NCAPD2: variants seen among roughly 807,000 people sequenced by gnomAD.
NCAPD2 encodes the protein condensin complex subunit 1.
Under a neutral mutation model 164.5 loss-of-function variants are expected in NCAPD2, and 100 were observed. The observed-to-expected ratio is 0.61, with a 90% CI of 0.52 to 0.72. The LOEUF (loss-of-function observed/expected upper bound fraction) is 0.72. Ranked by LOEUF, NCAPD2 falls within the 30% of genes least tolerant of loss-of-function variation. The pLI is 0.00. For missense variants in NCAPD2, 1,560 were observed against 1,749.2 expected (o/e 0.89, Z 1.93); for synonymous variants, 585 against 642.6 (o/e 0.91, Z 1.36).
Position 6,513,855 on chromosome 12 carries a change from A to G in NCAPD2, c.588-410A>G, listed in dbSNP as rs993957217. On this transcript the variant is annotated intron_variant, in intron 6 of 31. Coordinates refer to ENST00000315579, the MANE Select transcript of NCAPD2 (RefSeq NM_014865.4). The stretch of plus-strand genomic sequence containing the variant: ...CTCAGCCTCCCAAGTAGCTGGGATT[A>G]CAGGCGCCCACCACCACACCCAGCT... Among the ~76,000 whole-genome samples, 3 of 151,310 alleles carry G rather than the reference A, an allele frequency of 2.0e-5. No homozygotes were observed. The East Asian group carries it at 5.8e-4, about 29-fold the overall frequency.
rs149220411 is a variant in NCAPD2, at chr12:6,511,130, G to C, written c.465G>C (p.Lys155Asn). 9.3e-6 allele frequency: 15 copies of C among 1,613,966 alleles called. No individual in the cohort carries two copies. The African/African-American group carries it at 1.5e-4, about 16-fold the overall frequency. ...TTTAGGGTAAGAAAGCTCGGACCAA[G>C]GCAGCCCATGGCTTTGACTGGGAAG... Reference protein sequence around the residue: ...LGGKGKKARTKAAHGFDWEEE... With the variant: ...LGGKGKKARTNAAHGFDWEEE... Residue 155 changes from lysine to asparagine, a missense_variant, in exon 6 of 32, where the codon AAG (lysine) becomes AAC (asparagine). Transcript: ENST00000315579.
Position 6,514,793 on chromosome 12 carries a change from C to T in NCAPD2, c.860C>T (p.Pro287Leu), listed in dbSNP as rs1946183869. 3 of 1,614,058 alleles carry T rather than the reference C, an allele frequency of 1.9e-6. No homozygotes were observed. The highest frequency in any genetic ancestry group is 4.5e-5 in the East Asian group (2 of 44,872). Residue 287 changes from proline (P) to leucine (L), a missense_variant, in exon 9 of 32, where the codon CCC (proline) becomes CTC (leucine). Physicochemically the swap from Pro to Leu is moderately conservative, Grantham distance 98 (BLOSUM62 -3). Coordinates refer to ENST00000315579, the MANE Select transcript of NCAPD2 (RefSeq NM_014865.4). ...EIVREIGQKC[P>L]QELSRDPSGT... is the part of the protein sequence containing the mutation. Reference sequence around the variant, plus strand: ...TGTAGAGAGATTGGACAAAAGTGTCCCCAAGAGCTGAGTCGAGACCCTTCA... The same window carrying T: ...TGTAGAGAGATTGGACAAAAGTGTCTCCAAGAGCTGAGTCGAGACCCTTCA...
At chr12:6,518,680 C>T (rs528859338) in intron 13 of NCAPD2, among the ~76,000 whole-genome samples, 6 of 150,788 alleles carry the variant, frequency 4.0e-5, no homozygotes, top group African/African-American at 1.2e-4. Context: ...ACCACCACAC[C>T]GCACTAATTT....
chr12:6,529,547 A>C lies in NCAPD2; in HGVS notation c.3607A>C (p.Thr1203Pro). The C allele has an allele frequency of 6.2e-7, 1 of 1,614,094 alleles. No homozygotes were observed. Among genetic ancestry groups the C allele is most frequent in the East Asian group, 2.2e-5 (1 of 44,860 alleles). The change falls in exon 28 of 32, where the codon ACA (threonine) becomes CCA (proline). Residue 1203 changes from threonine (T) to proline (P), a missense_variant. Coordinates refer to ENST00000315579, the MANE Select transcript of NCAPD2 (RefSeq NM_014865.4). ...LLSYITKDKQ[T>P]ESLVEKLCQR... ...CTCCTACATCACCAAGGACAAGCAGACAGAGAGCCTGGTGGAAAAGCTGTG... is the reference window on the plus strand; with the variant it reads ...CTCCTACATCACCAAGGACAAGCAGCCAGAGAGCCTGGTGGAAAAGCTGTG...
rs947324500 is a variant in NCAPD2 at position 6,518,234 on chromosome 12, C to A, written c.1589+275C>A. On this transcript the variant is annotated intron_variant, in intron 13 of 31. Transcript: ENST00000315579. ...GTCCTCCTTCAATTGAAGAAGAGCA[C>A]CTATAAATAAGTTCTAGTTGTATGA... 2.9e-5 allele frequency: 7 copies of A among 242,714 alleles called. No individual in the cohort carries two copies. The East Asian group carries it at 6.7e-4, about 23-fold the overall frequency. 15.0% of individuals were successfully genotyped at this position (242,714 alleles called of 1,614,324 possible). A position where few individuals can be genotyped will look rare whatever the true frequency, so the allele number is the denominator to read the frequency against.
At position 6,508,533 on chromosome 12, in the gene NCAPD2, A is replaced by G. The variant is rs139514985; in HGVS notation, c.128-1184A>G. 3.5e-3 allele frequency among the ~76,000 whole-genome samples: 535 copies of G among 152,302 alleles called. 4 individuals carry two copies. The highest frequency in any genetic ancestry group is 0.013 in the African/African-American group (521 of 41,552). ...ACTAAATAAAGGGAAAGGGACAGCTAATCGTTACAATAGCATTCCCATTAG... is the reference window on the plus strand; with the variant it reads ...ACTAAATAAAGGGAAAGGGACAGCTGATCGTTACAATAGCATTCCCATTAG... On this transcript the variant is annotated intron_variant, in intron 2 of 31. Coordinates refer to ENST00000315579, the MANE Select transcript of NCAPD2 (RefSeq NM_014865.4).
chr12:6,518,188 CAG>C (rs1375883412), intron 13 of NCAPD2: 2 of 416,996 alleles, frequency 4.8e-6, no homozygotes, highest in Admixed American at 8.2e-5. Flanking sequence ...TAAATGTTAA[CAG>C]TATTATAATC....
Position 6,528,411 on chromosome 12 carries a change from T to C in NCAPD2, c.3299+83T>C. On this transcript the variant is annotated intron_variant, in intron 25 of 31. Coordinates refer to ENST00000315579, the MANE Select transcript of NCAPD2 (RefSeq NM_014865.4). The surrounding 1 kb of genome is among the most constrained non-coding windows in gnomAD (Gnocchi z 5.1). ...GTCAGTGTGAGAATCACCAGGGCTC[T>C]TCCCCTAGGCTTTGGCATCACCGCG... 6.4e-7 allele frequency: 1 copy of C among 1,567,094 alleles called. No homozygotes were observed. The highest frequency in any genetic ancestry group is 8.8e-7 in the Non-Finnish European group (1 of 1,141,886).
At position 6,521,663 on chromosome 12, in the gene NCAPD2, G is replaced by A. The variant is rs565631643; in HGVS notation, c.1715-135G>A. On this transcript the variant is annotated intron_variant, in intron 14 of 31. Coordinates refer to ENST00000315579, the MANE Select transcript of NCAPD2 (RefSeq NM_014865.4). Reference sequence around the variant, plus strand: ...TGATCATTGCCACTGCACAGCCTAGGCAACAGAGTGAGACCCCATCTCAAA... The same window carrying A: ...TGATCATTGCCACTGCACAGCCTAGACAACAGAGTGAGACCCCATCTCAAA... The A allele has an allele frequency of 7.9e-6, 9 of 1,133,484 alleles. No individual in the cohort carries two copies. In the East Asian group the frequency reaches 1.9e-4, roughly 24 times the overall value. The allele number at this position is 1,133,484 out of a possible 1,614,324, so 70.2% of individuals were successfully genotyped here.
rs1203109530 is a variant in NCAPD2 at position 6,531,283 on chromosome 12, C to T, written c.4121-44C>T. 15 of 1,580,076 alleles carry T rather than the reference C, an allele frequency of 9.5e-6. No individual in the cohort carries two copies. The highest frequency in any genetic ancestry group is 1.3e-5 in the Non-Finnish European group (15 of 1,153,700). On this transcript the variant is annotated intron_variant, in intron 31 of 31. Transcript: ENST00000315579. The surrounding 1 kb of genome is among the most constrained non-coding windows in gnomAD (Gnocchi z 4.1). Reference sequence around the variant, plus strand: ...TCTCTGATATCTATTTTTTCACCATCTTTGTGACTCAGCTTTTTCTTATTC... The same window carrying T: ...TCTCTGATATCTATTTTTTCACCATTTTTGTGACTCAGCTTTTTCTTATTC...
At position 6,494,131 on chromosome 12, in the gene NCAPD2, C is replaced by T. The variant is rs1186151583; in HGVS notation, c.-47C>T. On this transcript the variant is annotated 5_prime_UTR_variant, in exon 1 of 32. Coordinates refer to ENST00000315579, the MANE Select transcript of NCAPD2 (RefSeq NM_014865.4). The stretch of plus-strand genomic sequence containing the variant: ...TTCATTTCAGCCTGACTGCCGGAAT[C>T]AGAGCCGCGGGTGAGATCCCCAGGT... 6.6e-6 allele frequency: 1 copy of T among 152,342 alleles called. No individual in the cohort carries two copies. Among genetic ancestry groups the T allele is most frequent in the Non-Finnish European group, 1.5e-5 (1 of 68,096 alleles). 9.4% of individuals were successfully genotyped at this position (152,342 alleles called of 1,614,324 possible). A position where few individuals can be genotyped will look rare whatever the true frequency, so the allele number is the denominator to read the frequency against.
In NCAPD2 at chr12:6,528,621, C is replaced by G; in HGVS notation, c.3300-58C>G. 1 of 1,540,768 alleles carries G rather than the reference C, an allele frequency of 6.5e-7. No homozygotes were observed. The stretch of plus-strand genomic sequence containing the variant: ...GATTCCTGCTGAGGGCCTTTTCTAC[C>G]AGTGTTAGGGTGTAGCCCGGAGGTC... On this transcript the variant is annotated intron_variant, in intron 25 of 31. Transcript: ENST00000315579. The surrounding 1 kb of genome is among the most constrained non-coding windows in gnomAD (Gnocchi z 5.1).
At chr12:6,503,957 G>A (rs1235259703) in intron 2 of NCAPD2, among the ~76,000 whole-genome samples, 1 of 151,824 alleles carries the variant, frequency 6.6e-6, no homozygotes, top group Admixed American at 6.6e-5. Flanking sequence ...CAGCCTGGGC[G>A]ACAGAGCGAG....
At chr12:6,524,153 T>C (rs890739424) in intron 17 of NCAPD2, among the ~76,000 whole-genome samples, 2 of 152,156 alleles carry the variant, frequency 1.3e-5, no homozygotes, top group Non-Finnish European at 2.9e-5. Flanking sequence ...TACTGAGGGA[T>C]ACAGAGTAGG....
chr12:6,504,232 T>TATATATATAC (rs1946077689), intron 2 of NCAPD2, among the ~76,000 whole-genome samples: 1 of 102,754 alleles, frequency 9.7e-6, no homozygotes, highest in African/African-American at 3.4e-5. Flanking sequence ...TAGATATATA[T>TATATATATAC]ATATATATAT....
At chr12:6,529,281 C>T (rs996382177) in intron 27 of NCAPD2, 34 of 616,054 alleles carry the variant, frequency 5.5e-5, no homozygotes, top group Admixed American at 5.8e-5. Flanking sequence ...AGCACTCACT[C>T]CCTAGCAGCT....
chr12:6,504,200 T>TACAC lies in NCAPD2; in HGVS notation c.128-5516_128-5515insCACA, dbSNP rs1207709979. 1.3e-4 allele frequency among the ~76,000 whole-genome samples: 3 copies of TACAC among 22,438 alleles called. No homozygotes were observed. In the Admixed American group the frequency reaches 1.6e-3, roughly 12 times the overall value. The allele number at this position is 22,438 out of a possible 152,430, so 14.7% of individuals were successfully genotyped here. On this transcript the variant is annotated intron_variant, in intron 2 of 31. Coordinates refer to ENST00000315579, the MANE Select transcript of NCAPD2 (RefSeq NM_014865.4). ...ATATATACATATATATATATATATA[T>TACAC]ATATATATATATATATAGATATAGA...
rs1418298003 is a variant in NCAPD2, at chr12:6,511,166, A to T, written c.501A>T (p.Gln167His). 6.2e-7 allele frequency: 1 copy of T among 1,614,058 alleles called. No homozygotes were observed. The highest frequency in any genetic ancestry group is 1.3e-5 in the African/African-American group (1 of 74,930). ...GCTTTGACTGGGAAGAAGAGAGGCAACCAATTCTTCAGCTTTTAACACAGC... is the reference window on the plus strand; with the variant it reads ...GCTTTGACTGGGAAGAAGAGAGGCATCCAATTCTTCAGCTTTTAACACAGC... Reference protein sequence around the residue: ...AHGFDWEEERQPILQLLTQLL... With the variant: ...AHGFDWEEERHPILQLLTQLL... Residue 167 changes from glutamine to histidine, a missense_variant, in exon 6 of 32, where the codon CAA becomes CAT. By Grantham distance (24) the Gln-to-His change is conservative (BLOSUM62 0). Coordinates refer to ENST00000315579, the MANE Select transcript of NCAPD2 (RefSeq NM_014865.4).
At chr12:6,497,564 TC>T (rs1251140372) in intron 2 of NCAPD2, among the ~76,000 whole-genome samples, 2 of 152,190 alleles carry the variant, frequency 1.3e-5, no homozygotes, top group Admixed American at 6.5e-5. Flanking sequence ...GGTTTTCTGT[TC>T]TTGCATTAGT....
Sources: allele counts gnomAD v4.1 joint callset (sites outside exome capture counted in the v4.1 genomes callset), GRCh38; gene constraint gnomAD v4.1.1; non-coding constraint Gnocchi (gnomAD v3.1); transcripts MANE v1.5; gene names NCBI Gene and HGNC (gene_info 2026-07-23, HGNC 2026-07-21).